ASIC2: variants seen among roughly 807,000 people sequenced by gnomAD.
ASIC2 encodes acid-sensing ion channel 2.
A neutral mutation model predicts 57.3 loss-of-function variants in ASIC2; 25 were observed. The observed-to-expected ratio is 0.44, with a 90% CI of 0.32 to 0.61. The LOEUF (loss-of-function observed/expected upper bound fraction) is 0.61, where lower values mean the gene tolerates loss of function less well. ASIC2 is among the 20% of genes least tolerant of loss of function. The pLI is 0.06. For synonymous variants in ASIC2, 319 were observed against 307.5 expected (o/e 1.04, Z -0.39); for missense variants, 641 against 738.1 (o/e 0.87, Z 1.52).
intron 1 of ASIC2, among the ~76,000 whole-genome samples, chr17:33,523,244 G>A (rs1430189039): frequency 6.6e-6 from 1 of 152,078 alleles, no homozygotes; most frequent in Non-Finnish European, 1.5e-5. Flanking sequence ...GGATCACAAA[G>A]CCATCTTTAT....
chr17:33,496,600 T>C (rs12449560), intron 1 of ASIC2, among the ~76,000 whole-genome samples: 1 of 138,146 alleles, frequency 7.2e-6, no homozygotes, highest in Non-Finnish European at 1.5e-5. Flanking sequence ...ATAGTTATTG[T>C]AGGTTTTTTT....
chr17:33,403,028 T>G (rs1433147472), intron 1 of ASIC2, among the ~76,000 whole-genome samples: 12 of 152,134 alleles, frequency 7.9e-5, no homozygotes, highest in Non-Finnish European at 1.6e-4. Flanking sequence ...AATCGTGACT[T>G]TGTATGGTCA....
chr17:33,757,320 C>A (rs908372113), intron 1 of ASIC2, among the ~76,000 whole-genome samples: 1 of 152,168 alleles, frequency 6.6e-6, no homozygotes, highest in Admixed American at 6.5e-5. Context: ...TCCTGCGGGA[C>A]AAAAGGCAGA....
chr17:34,068,740 C>CA (rs1909270784), intron 1 of ASIC2, among the ~76,000 whole-genome samples: 1 of 152,160 alleles, frequency 6.6e-6, no homozygotes, highest in African/African-American at 2.4e-5. Flanking sequence ...AAATTAAAGA[C>CA]AATGCCTTTC....
At chr17:33,672,981 C>T (rs1907684372) in intron 1 of ASIC2, among the ~76,000 whole-genome samples, 1 of 152,120 alleles carries the variant, frequency 6.6e-6, no homozygotes, top group Admixed American at 6.5e-5. Flanking sequence ...TTACATAACG[C>T]CCAGCATGTA....
chr17:33,554,699 C>A (rs551188432), intron 1 of ASIC2, among the ~76,000 whole-genome samples: 1 of 152,090 alleles, frequency 6.6e-6, no homozygotes, highest in African/African-American at 2.4e-5. Flanking sequence ...AATGGCCAAC[C>A]TGGCTTCAAA....
intron 1 of ASIC2, among the ~76,000 whole-genome samples, chr17:34,013,590 G>C (rs1906847018): frequency 1.3e-5 from 2 of 152,210 alleles, no homozygotes; most frequent in African/African-American, 4.8e-5. Context: ...TTCAGGGCTA[G>C]GTGGCCAGGA....
chr17:33,641,443 T>C (rs1906562202), intron 1 of ASIC2, among the ~76,000 whole-genome samples: 1 of 152,170 alleles, frequency 6.6e-6, no homozygotes, highest in Non-Finnish European at 1.5e-5. Flanking sequence ...TCATGCATGG[T>C]GGTGCCCAAA....
intron 1 of ASIC2, chr17:34,041,542 T>C (rs2142046221): frequency 6.6e-6 from 1 of 152,336 alleles, no homozygotes; most frequent in Non-Finnish European, 1.5e-5. Flanking sequence ...GGAAATTGCA[T>C]ATTTCCCTGA....
chr17:33,868,191 G>GTA (rs35379173), intron 1 of ASIC2, among the ~76,000 whole-genome samples: 38,728 of 103,928 alleles, frequency 0.37, 4,994 homozygotes, highest in Non-Finnish European at 0.41. Context: ...ATGTGTGTGT[G>GTA]TGTATGTGTG....
At chr17:34,119,533 C>T (rs116167358) in intron 1 of ASIC2, among the ~76,000 whole-genome samples, 2,282 of 152,102 alleles carry the variant, frequency 0.015, 51 homozygotes, top group East Asian at 0.059. Flanking sequence ...AACCCCATCT[C>T]CTCATGCCTG....
At chr17:33,117,939 T>C (rs1264358633) in intron 1 of ASIC2, among the ~76,000 whole-genome samples, 1 of 152,058 alleles carries the variant, frequency 6.6e-6, no homozygotes, top group African/African-American at 2.4e-5. Flanking sequence ...CATCTTAAAG[T>C]AGTTAGAGGG....
rs370754134 is a variant in ASIC2 at position 34,129,706 on chromosome 17, T to C, written c.555+26272A>G. 2.2e-4 allele frequency among the ~76,000 whole-genome samples: 33 copies of C among 152,352 alleles called. 1 individual carries two copies. The South Asian group carries it at 6.4e-3, about 30-fold the overall frequency. ...TAAGTAGTTCTATTTCACCAAGATC[T>C]TTCTCAAGCTTCTTTGTCTACAGAA... On this transcript the variant is annotated intron_variant, in intron 1 of 9. Transcript: ENST00000359872.
At chr17:33,250,439 C>A (rs947867254) in intron 1 of ASIC2, among the ~76,000 whole-genome samples, 4 of 152,198 alleles carry the variant, frequency 2.6e-5, no homozygotes, top group African/African-American at 9.7e-5. Context: ...GATCATGCCA[C>A]CAGCTCCCAG....
At chr17:33,676,678 A>G (rs1204930371) in intron 1 of ASIC2, among the ~76,000 whole-genome samples, 1 of 152,252 alleles carries the variant, frequency 6.6e-6, no homozygotes, top group Non-Finnish European at 1.5e-5. Flanking sequence ...TTAAAGAAAG[A>G]AGCCATCTCC....
intron 1 of ASIC2, among the ~76,000 whole-genome samples, chr17:33,489,320 C>T (rs772199062): frequency 1.1e-4 from 16 of 152,202 alleles, no homozygotes; most frequent in Non-Finnish European, 1.8e-4. Flanking sequence ...GTATTATTAG[C>T]CCCATTATAT....
At chr17:33,962,077 A>C (rs1029462412) in intron 1 of ASIC2, among the ~76,000 whole-genome samples, 5 of 152,144 alleles carry the variant, frequency 3.3e-5, no homozygotes, top group Non-Finnish European at 2.9e-5. Context: ...CATGTGTTCA[A>C]TGCCTTCTCC....
chr17:33,322,190 T>C (rs1233197184), intron 1 of ASIC2, among the ~76,000 whole-genome samples: 2 of 152,206 alleles, frequency 1.3e-5, no homozygotes, highest in African/African-American at 4.8e-5. Context: ...GAACTTCAGA[T>C]CTTGGGAGAT....
intron 1 of ASIC2, among the ~76,000 whole-genome samples, chr17:33,244,176 T>C (rs319751): frequency 0.7 from 106,945 of 152,100 alleles, 38,014 homozygotes; most frequent in Middle Eastern, 0.81. Context: ...ACATGCTAAG[T>C]GATCCTGTTA....
Sources: gnomAD v4.1 joint callset for allele counts (sites outside exome capture counted in the v4.1 genomes callset) on GRCh38, gnomAD v4.1.1 for gene constraint, MANE v1.5 for transcripts, NCBI Gene and HGNC (gene_info 2026-07-23, HGNC 2026-07-21) for gene names.